Variants in ATP2C2 observed in about 807,000 individuals in gnomAD.
ATP2C2 encodes the protein calcium-transporting ATPase type 2C member 2.
A neutral mutation model predicts 110.8 loss-of-function variants in ATP2C2; 171 were observed. That is an observed-to-expected ratio of 1.54 (90% CI 1.36 to 1.75). The LOEUF (loss-of-function observed/expected upper bound fraction) is 1.75. Ranked by LOEUF, ATP2C2 falls within the 40% of genes most tolerant of loss-of-function variation. The probability of loss-of-function intolerance (pLI) is 0.00; values close to 1 mark genes in which losing one functional copy is unlikely to be tolerated. For synonymous variants in ATP2C2, 804 were observed against 508.4 expected, an observed-to-expected ratio of 1.58 and a Z score of -7.82; for missense variants, 1,963 against 1,235.0, an observed-to-expected ratio of 1.59 and a Z score of -8.84.
chr16:84,429,429 A>G (rs921704428), intron 11 of ATP2C2, among the ~76,000 whole-genome samples: 1 of 152,206 alleles, frequency 6.6e-6, no homozygotes, highest in South Asian at 2.1e-4. Flanking sequence ...CTGGGATTAC[A>G]GGTGTGAGCC....
At chr16:84,426,514 G>C (rs770631611) in intron 11 of ATP2C2, among the ~76,000 whole-genome samples, 6 of 152,110 alleles carry the variant, frequency 3.9e-5, no homozygotes, top group Non-Finnish European at 8.8e-5. Context: ...GCCTGCCTCT[G>C]TTTAAATTCT....
chr16:84,381,813 G>T (rs1248100052), intron 1 of ATP2C2, among the ~76,000 whole-genome samples: 1 of 152,044 alleles, frequency 6.6e-6, no homozygotes, highest in Admixed American at 6.6e-5. Flanking sequence ...AACATCTATG[G>T]ATATACCACA....
chr16:84,369,066 C>G (rs1308674942), intron 1 of ATP2C2, among the ~76,000 whole-genome samples: 2 of 152,196 alleles, frequency 1.3e-5, no homozygotes, highest in Admixed American at 6.5e-5. Flanking sequence ...CAGACTTGGG[C>G]TGCTTTATGG....
intron 23 of ATP2C2, 90 bp from the exon 24 acceptor site, chr16:84,460,564 T>G: frequency 6.3e-7 from 1 of 1,584,176 alleles, no homozygotes; most frequent in South Asian, 1.1e-5. Flanking sequence ...CTGTGCCAAC[T>G]TGGCCTGGGA....
Position 84,463,767 on chromosome 16 carries a change from T to G in ATP2C2, c.*35T>G, listed in dbSNP as rs773544002. On this transcript the variant is annotated 3_prime_UTR_variant, in exon 27 of 27. Coordinates refer to ENST00000262429, the MANE Select transcript of ATP2C2 (RefSeq NM_014861.4). ...CTCCGCGGCACCTTCCCTAATCATC[T>G]CGATCTGGTTGTGACTGTGGCCCCT... 2.2e-5 allele frequency: 34 copies of G among 1,557,534 alleles called. 1 individual carries two copies. Among genetic ancestry groups the G allele is most frequent in the Non-Finnish European group, 2.9e-5 (33 of 1,128,626 alleles).
chr16:84,373,377 G>A lies in ATP2C2; in HGVS notation c.99+4663G>A, dbSNP rs145959654. On this transcript the variant is annotated intron_variant, in intron 1 of 26. Coordinates refer to ENST00000262429, the MANE Select transcript of ATP2C2 (RefSeq NM_014861.4). ...TAGCTGGGTGTGGTGGTGGGTGCCT[G>A]TAACCCCGGCTACTCAGAAGGCTGA... 8.4e-4 allele frequency among the ~76,000 whole-genome samples: 128 copies of A among 152,236 alleles called. 1 individual carries two copies. The East Asian group carries it at 0.023, about 27-fold the overall frequency.
chr16:84,447,456 C>A (rs922721442), intron 16 of ATP2C2, among the ~76,000 whole-genome samples: 2 of 151,728 alleles, frequency 1.3e-5, no homozygotes, highest in African/African-American at 4.8e-5. Context: ...AGAGGTAATT[C>A]TATTTTAAGT....
chr16:84,407,990 G>C (rs1231723416), intron 3 of ATP2C2, among the ~76,000 whole-genome samples: 1 of 152,222 alleles, frequency 6.6e-6, no homozygotes, highest in African/African-American at 2.4e-5. Flanking sequence ...CCTAGAGGCT[G>C]TTACAGGAGC....
rs751842202 is a variant in ATP2C2, at chr16:84,463,702, G to C, written c.2811G>C (p.Lys937Asn). 5 of 1,613,988 alleles carry C rather than the reference G, an allele frequency of 3.1e-6. No individual in the cohort carries two copies. The highest frequency in any genetic ancestry group is 3.4e-6 in the Non-Finnish European group (4 of 1,179,970). Residue 937 changes from lysine (K) to asparagine (N), a missense_variant, in exon 27 of 27, where the codon AAG becomes AAC. Coordinates refer to ENST00000262429, the MANE Select transcript of ATP2C2 (RefSeq NM_014861.4). ...KLCEKYCCSP[K>N]RVQMHPEDV ...GTGAAAAATACTGTTGCAGCCCCAA[G>C]AGAGTCCAGATGCACCCTGAAGATG... is the stretch of plus-strand genomic sequence containing the variant.
At chr16:84,368,866 C>T (rs76727304) in intron 1 of ATP2C2, 152 bp downstream of exon 1, 62,298 of 683,886 alleles carry the variant, frequency 0.091, 3,449 homozygotes, top group Middle Eastern at 0.12. Context: ...TCACAGCAAC[C>T]GCGCTCTCAT....
At chr16:84,453,030 C>G (rs1299415496) in intron 18 of ATP2C2, 108 bp from the exon 19 acceptor site, 10 of 1,178,132 alleles carry the variant, frequency 8.5e-6, no homozygotes, top group African/African-American at 1.5e-5. Flanking sequence ...AGTAAACCGT[C>G]TCCAGCATGG....
At chr16:84,432,522 G>A (rs540595287) in intron 11 of ATP2C2, among the ~76,000 whole-genome samples, 7 of 151,698 alleles carry the variant, frequency 4.6e-5, no homozygotes, top group East Asian at 3.9e-4. Context: ...AGAACATGCC[G>A]TGTTTGCTTG....
At chr16:84,454,592 A>T (rs1439331736) in intron 20 of ATP2C2, among the ~76,000 whole-genome samples, 2 of 152,162 alleles carry the variant, frequency 1.3e-5, no homozygotes, top group Non-Finnish European at 2.9e-5. Flanking sequence ...GCCTCACAAC[A>T]GCCCTGGGAA....
chr16:84,437,602 G>T (rs1278718499), intron 11 of ATP2C2, among the ~76,000 whole-genome samples: 1 of 152,080 alleles, frequency 6.6e-6, no homozygotes, highest in Non-Finnish European at 1.5e-5. Flanking sequence ...TGCAACCTCC[G>T]CCTCTCAGGT....
At chr16:84,402,890 C>T (rs61341140) in intron 2 of ATP2C2, among the ~76,000 whole-genome samples, 22,523 of 152,092 alleles carry the variant, frequency 0.15, 4,041 homozygotes, top group African/African-American at 0.43. Flanking sequence ...TGGTAGAATT[C>T]AGCAGTGAAG....
intron 1 of ATP2C2, among the ~76,000 whole-genome samples, chr16:84,392,852 G>GACA (rs1567691492): frequency 6.6e-6 from 1 of 152,150 alleles, no homozygotes; most frequent in Non-Finnish European, 1.5e-5. Flanking sequence ...TGTCCCCATG[G>GACA]TGTCATTCAA....
chr16:84,388,733 C>T (rs1369059996), intron 1 of ATP2C2, among the ~76,000 whole-genome samples: 1 of 152,176 alleles, frequency 6.6e-6, no homozygotes, highest in Admixed American at 6.6e-5. Context: ...CCAATAATTA[C>T]GTGCCCTATA....
At chr16:84,381,651 G>C (rs1033772427) in intron 1 of ATP2C2, among the ~76,000 whole-genome samples, 1 of 152,130 alleles carries the variant, frequency 6.6e-6, no homozygotes, top group Non-Finnish European at 1.5e-5. Flanking sequence ...TTCATGCTGG[G>C]CACACTATTC....
At chr16:84,382,454 G>C (rs575908821) in intron 1 of ATP2C2, among the ~76,000 whole-genome samples, 1 of 152,180 alleles carries the variant, frequency 6.6e-6, no homozygotes, top group Non-Finnish European at 1.5e-5. Context: ...GCATTGACTT[G>C]ACTCATGCCT....
Sources: allele counts gnomAD v4.1 joint callset (sites outside exome capture counted in the v4.1 genomes callset), GRCh38; gene constraint gnomAD v4.1.1; transcripts MANE v1.5; gene names NCBI Gene and HGNC (gene_info 2026-07-23, HGNC 2026-07-21).